CNTN5: variants seen among roughly 807,000 people sequenced by gnomAD.
CNTN5 encodes the protein contactin-5.
A neutral mutation model predicts 129.1 loss-of-function variants in CNTN5; 77 were observed. The ratio of observed to expected loss-of-function variants is 0.60; its 90% CI spans 0.50 to 0.72. The LOEUF is 0.72. Ranked by LOEUF, CNTN5 falls within the 30% of genes least tolerant of loss-of-function variation. The probability of loss-of-function intolerance (pLI) is 0.00; values close to 1 mark genes in which losing one functional copy is unlikely to be tolerated. For synonymous variants in CNTN5, 509 were observed against 465.6 expected, an observed-to-expected ratio of 1.09 and a Z score of -1.20; for missense variants, 1,478 against 1,328.8, an observed-to-expected ratio of 1.11 and a Z score of -1.75.
chr11:99,180,244 G>A (rs895179271), intron 1 of CNTN5, among the ~76,000 whole-genome samples: 4 of 152,140 alleles, frequency 2.6e-5, no homozygotes, highest in East Asian at 3.9e-4. Flanking sequence ...GATATGATAA[G>A]CAAATTGCAA....
intron 7 of CNTN5, among the ~76,000 whole-genome samples, chr11:99,933,822 C>G (rs1950243808): frequency 6.6e-6 from 1 of 152,188 alleles, no homozygotes; most frequent in Non-Finnish European, 1.5e-5. Context: ...ATGTACATTT[C>G]AGCTGTTTTC....
chr11:99,457,194 G>A (rs896098378), intron 2 of CNTN5, among the ~76,000 whole-genome samples: 23 of 151,862 alleles, frequency 1.5e-4, no homozygotes, highest in African/African-American at 5.6e-4. Context: ...TCTGTCTTTA[G>A]TATTTAGCTA....
At chr11:99,875,517 TA>T (rs35221770) in intron 6 of CNTN5, among the ~76,000 whole-genome samples, 25,649 of 152,068 alleles carry the variant, frequency 0.17, 2,214 homozygotes, top group South Asian at 0.19. Flanking sequence ...ACTAAGGTAT[TA>T]AAAATTATAA....
chr11:99,220,994 T>C (rs541745086), intron 1 of CNTN5, among the ~76,000 whole-genome samples: 2 of 152,074 alleles, frequency 1.3e-5, no homozygotes, highest in East Asian at 3.9e-4. Flanking sequence ...TTACAGATAC[T>C]GTAAAAGATT....
In CNTN5 at chr11:99,669,441, GGTGTGTGT is replaced by G. The variant is rs767426378; in HGVS notation, c.55+113197_55+113204del. ...ACTACCTTTTCCAGCTATTAAATAT[GGTGTGTGT>G]GTGTGTGTGTGTGTGTGTGTGTGTA... is the stretch of plus-strand genomic sequence containing the variant. On this transcript the variant is annotated intron_variant, in intron 3 of 24. Coordinates refer to ENST00000524871, the MANE Select transcript of CNTN5 (RefSeq NM_014361.4). Among the ~76,000 whole-genome samples, 11 of 106,018 alleles carry G rather than the reference GGTGTGTGT, an allele frequency of 1.0e-4. No homozygotes were observed. The East Asian group carries it at 2.0e-3, about 19-fold the overall frequency. 69.6% of individuals were successfully genotyped at this position (106,018 alleles called of 152,430 possible).
At chr11:100,034,553 T>A (rs1213608862) in intron 9 of CNTN5, among the ~76,000 whole-genome samples, 1 of 152,220 alleles carries the variant, frequency 6.6e-6, no homozygotes, top group Non-Finnish European at 1.5e-5. Context: ...TTATTCTTGC[T>A]GCATACAGAG....
chr11:99,914,280 G>A (rs1320135768), intron 6 of CNTN5, among the ~76,000 whole-genome samples: 1 of 151,828 alleles, frequency 6.6e-6, no homozygotes, highest in African/African-American at 2.4e-5. Flanking sequence ...TAACTATCTT[G>A]TATTGTATTT....
At chr11:99,780,275 G>A (rs543629748) in intron 3 of CNTN5, among the ~76,000 whole-genome samples, 1 of 152,150 alleles carries the variant, frequency 6.6e-6, no homozygotes, top group Non-Finnish European at 1.5e-5. Context: ...AAGCAAGTGT[G>A]TGAATAATAT....
intron 2 of CNTN5, among the ~76,000 whole-genome samples, chr11:99,411,322 C>A (rs944462388): frequency 6.6e-6 from 1 of 152,024 alleles, no homozygotes; most frequent in African/African-American, 2.4e-5. Context: ...CCCAGGAGAC[C>A]AGCCTGGGCA....
chr11:99,119,832 G>A (rs1238573481), intron 1 of CNTN5, among the ~76,000 whole-genome samples: 2 of 152,028 alleles, frequency 1.3e-5, no homozygotes, highest in African/African-American at 2.4e-5. Flanking sequence ...GCCACAGTGA[G>A]ATGGTATCTC....
intron 1 of CNTN5, among the ~76,000 whole-genome samples, chr11:99,248,165 G>C (rs939809566): frequency 4.6e-5 from 7 of 152,174 alleles, no homozygotes; most frequent in African/African-American, 1.4e-4. Context: ...TAACTGGTGT[G>C]AGATGGTATC....
intron 8 of CNTN5, among the ~76,000 whole-genome samples, chr11:99,972,786 A>T (rs1045801784): frequency 6.6e-6 from 1 of 152,144 alleles, no homozygotes; most frequent in Admixed American, 6.5e-5. Flanking sequence ...GAGGATTGGA[A>T]GAGGATTGGA....
chr11:99,703,808 A>C (rs539677539), intron 3 of CNTN5, among the ~76,000 whole-genome samples: 1 of 151,022 alleles, frequency 6.6e-6, no homozygotes, highest in Admixed American at 6.6e-5. Flanking sequence ...GAGTAACTCT[A>C]CTGGATCTCA....
intron 8 of CNTN5, among the ~76,000 whole-genome samples, chr11:99,999,567 A>G (rs1939713677): frequency 6.6e-6 from 1 of 152,236 alleles, no homozygotes; most frequent in African/African-American, 2.4e-5. Flanking sequence ...TGGGACTGTA[A>G]ACTAGTTCAA....
chr11:100,167,945 G>A (rs1318016634), intron 13 of CNTN5, among the ~76,000 whole-genome samples: 1 of 151,940 alleles, frequency 6.6e-6, no homozygotes, highest in African/African-American at 2.4e-5. Flanking sequence ...TGATAAGAGT[G>A]CACAACAGTC....
intron 3 of CNTN5, among the ~76,000 whole-genome samples, chr11:99,798,625 G>A (rs1269566524): frequency 6.6e-6 from 1 of 152,018 alleles, no homozygotes; most frequent in Admixed American, 6.6e-5. Flanking sequence ...ATTGATTTGT[G>A]TGTCTGTTTT....
At chr11:99,092,626 A>G (rs1036516815) in intron 1 of CNTN5, among the ~76,000 whole-genome samples, 2 of 152,120 alleles carry the variant, frequency 1.3e-5, no homozygotes, top group Non-Finnish European at 2.9e-5. Flanking sequence ...GAAACCAACT[A>G]AATATGATTT....
At chr11:99,312,455 C>A (rs1401228401) in intron 1 of CNTN5, among the ~76,000 whole-genome samples, 1 of 152,108 alleles carries the variant, frequency 6.6e-6, no homozygotes, top group African/African-American at 2.4e-5. Context: ...GTGTTTTACA[C>A]AATGCATGAC....
At chr11:99,038,300 T>G (rs1321149143) in intron 1 of CNTN5, among the ~76,000 whole-genome samples, 1 of 152,150 alleles carries the variant, frequency 6.6e-6, no homozygotes, top group Admixed American at 6.5e-5. Flanking sequence ...TGACAAATAA[T>G]AGTTGTGAAT....
Sources: gnomAD v4.1 joint callset for allele counts (sites outside exome capture counted in the v4.1 genomes callset) on GRCh38, gnomAD v4.1.1 for gene constraint, MANE v1.5 for transcripts, NCBI Gene and HGNC (gene_info 2026-07-23, HGNC 2026-07-21) for gene names.